CREB5: variants seen among roughly 807,000 people sequenced by gnomAD.
CREB5 encodes cAMP responsive element binding protein 5, also known as cyclic AMP-responsive element-binding protein 5.
In CREB5, 19 loss-of-function variants were observed where a neutral mutation model predicts 57.1. The observed-to-expected ratio is 0.33, with a 90% CI of 0.23 to 0.49. The LOEUF (loss-of-function observed/expected upper bound fraction) is 0.49, where lower values mean the gene tolerates loss of function less well. Ranked by LOEUF, CREB5 falls within the 20% of genes least tolerant of loss-of-function variation. The pLI, the probability that CREB5 is intolerant of heterozygous loss-of-function variation, is 0.99. For synonymous variants in CREB5, 238 were observed against 238.3 expected (o/e 1.00, Z 0.01); for missense variants, 579 against 671.6 (o/e 0.86, Z 1.52).
At chr7:28,613,779 C>T (rs1179430357) in intron 5 of CREB5, among the ~76,000 whole-genome samples, 4 of 152,212 alleles carry the variant, frequency 2.6e-5, no homozygotes, top group Admixed American at 6.5e-5. Context: ...ATGGCCTCCG[C>T]GGTAATTCAC....
At chr7:28,815,102 C>T (rs1455919685) in intron 9 of CREB5, among the ~76,000 whole-genome samples, 3 of 152,156 alleles carry the variant, frequency 2.0e-5, no homozygotes, top group African/African-American at 7.2e-5. Context: ...TACACCCCAT[C>T]TTTGCAAAAC....
chr7:28,655,430 T>C (rs991755670), intron 5 of CREB5, among the ~76,000 whole-genome samples: 2 of 152,016 alleles, frequency 1.3e-5, no homozygotes, highest in South Asian at 4.2e-4. Context: ...TGTGTGGCCA[T>C]CCTGCTTGTC....
chr7:28,560,879 C>CGTGCGTGTGCGCGTGCGTGCGT (rs1554344366), intron 4 of CREB5, among the ~76,000 whole-genome samples: 3 of 22,060 alleles, frequency 1.4e-4, no homozygotes, highest in African/African-American at 3.8e-4. Context: ...CGTGCGCGTG[C>CGTGCGTGTGCGCGTGCGTGCGT]GTGCGTGCGT....
chr7:28,737,529 ATATATATACG>A (rs1170698761), intron 7 of CREB5, among the ~76,000 whole-genome samples: 47 of 106,342 alleles, frequency 4.4e-4, no homozygotes, highest in Non-Finnish European at 6.9e-4. Context: ...GTATATATGT[ATATATATACG>A]TATATATATA....
At chr7:28,761,061 C>T (rs918885781) in intron 7 of CREB5, among the ~76,000 whole-genome samples, 7 of 152,156 alleles carry the variant, frequency 4.6e-5, no homozygotes, top group African/African-American at 1.7e-4. Flanking sequence ...GCTATCCACA[C>T]ATTTAAACCA....
At chr7:28,358,615 A>C (rs1427383780) in intron 1 of CREB5, among the ~76,000 whole-genome samples, 1 of 152,184 alleles carries the variant, frequency 6.6e-6, no homozygotes, top group African/African-American at 2.4e-5. Context: ...CCAGCTGTCG[A>C]AGTCTTTCTT....
chr7:28,318,921 C>T (rs2127983464), intron 1 of CREB5, among the ~76,000 whole-genome samples: 1 of 152,280 alleles, frequency 6.6e-6, no homozygotes. Flanking sequence ...AAAGTCCTCC[C>T]AAATATCATC....
intron 1 of CREB5, among the ~76,000 whole-genome samples, chr7:28,442,789 G>A (rs1366850493): frequency 6.6e-6 from 1 of 152,118 alleles, no homozygotes; most frequent in Non-Finnish European, 1.5e-5. Context: ...AGTTTATCTT[G>A]AGTCAGTATC....
intron 7 of CREB5, among the ~76,000 whole-genome samples, chr7:28,737,761 G>A (rs1008039176): frequency 1.3e-5 from 2 of 151,576 alleles, no homozygotes; most frequent in African/African-American, 4.8e-5. Flanking sequence ...ATCAGTTCTA[G>A]CATTCAACTC....
intron 7 of CREB5, among the ~76,000 whole-genome samples, chr7:28,778,545 C>T (rs1227885499): frequency 6.6e-6 from 1 of 152,054 alleles, no homozygotes; most frequent in East Asian, 1.9e-4. Flanking sequence ...AATCTACTTA[C>T]AGATATTAAC....
At chr7:28,603,774 C>T (rs1187922519) in intron 5 of CREB5, among the ~76,000 whole-genome samples, 2 of 152,138 alleles carry the variant, frequency 1.3e-5, no homozygotes, top group Admixed American at 6.6e-5. Flanking sequence ...AAGTTATAGC[C>T]AGTGGTGCTT....
At chr7:28,520,642 C>T (rs943518040) in intron 4 of CREB5, among the ~76,000 whole-genome samples, 1 of 152,202 alleles carries the variant, frequency 6.6e-6, no homozygotes, top group African/African-American at 2.4e-5. Flanking sequence ...AGGGGATAAA[C>T]CTTCATTGTA....
chr7:28,726,944 T>G (rs1165053104), intron 7 of CREB5, among the ~76,000 whole-genome samples: 1 of 152,134 alleles, frequency 6.6e-6, no homozygotes, highest in Non-Finnish European at 1.5e-5. Flanking sequence ...TTGCTTTAAA[T>G]GCACAATTTT....
intron 1 of CREB5, among the ~76,000 whole-genome samples, chr7:28,358,305 C>G (rs897216011): frequency 6.6e-6 from 1 of 152,330 alleles, no homozygotes; most frequent in South Asian, 2.1e-4. Context: ...GCTCACACGA[C>G]TCTCAGATCT....
intron 1 of CREB5, among the ~76,000 whole-genome samples, chr7:28,429,187 C>A (rs1788620884): frequency 6.6e-6 from 1 of 151,998 alleles, no homozygotes; most frequent in African/African-American, 2.4e-5. Context: ...CTACCATGAC[C>A]AGCTAATTTT....
rs1479648282 is a variant in CREB5, at chr7:28,821,953, T to C, written c.*2674T>C. 3.9e-5 allele frequency: 6 copies of C among 152,664 alleles called. No homozygotes were observed. Among genetic ancestry groups the C allele is most frequent in the African/African-American group, 1.4e-4 (6 of 41,460 alleles). The allele number at this position is 152,664 out of a possible 1,614,324, so 9.5% of individuals were successfully genotyped here. The stretch of plus-strand genomic sequence containing the variant: ...GGAGTGACTGTCACTACAATGATGG[T>C]TTAGTTTACTTCTGTTCCACCTTTT... On this transcript the variant is annotated 3_prime_UTR_variant, in exon 11 of 11. Coordinates refer to ENST00000357727, the MANE Select transcript of CREB5 (RefSeq NM_182898.4).
chr7:28,321,042 G>A (rs1310396162), intron 1 of CREB5, among the ~76,000 whole-genome samples: 1 of 152,136 alleles, frequency 6.6e-6, no homozygotes, highest in Non-Finnish European at 1.5e-5. Context: ...GACCTCTCTG[G>A]GCCTTGCTCT....
chr7:28,403,397 C>T (rs955130919), intron 1 of CREB5, among the ~76,000 whole-genome samples: 7 of 152,102 alleles, frequency 4.6e-5, no homozygotes, highest in African/African-American at 1.7e-4. Flanking sequence ...TTAAATTCTC[C>T]CCAAAACCTT....
intron 4 of CREB5, among the ~76,000 whole-genome samples, chr7:28,556,795 T>C (rs1794898379): frequency 6.6e-6 from 1 of 152,198 alleles, no homozygotes; most frequent in South Asian, 2.1e-4. Flanking sequence ...TTTGGGCATA[T>C]GGCTATGGAG....
Sources: gnomAD v4.1 joint callset for allele counts (sites outside exome capture counted in the v4.1 genomes callset) on GRCh38, gnomAD v4.1.1 for gene constraint, MANE v1.5 for transcripts, NCBI Gene and HGNC (gene_info 2026-07-23, HGNC 2026-07-21) for gene names.